The following COL25A1 variants were observed in gnomAD, a reference collection of about 807,000 sequenced individuals.
COL25A1 encodes the protein collagen type XXV alpha 1 chain.
A neutral mutation model predicts 128.4 loss-of-function variants in COL25A1; 103 were observed. That is an observed-to-expected ratio of 0.80 (90% CI 0.68 to 0.94). The LOEUF is 0.94. Ranked by LOEUF, COL25A1 falls within the 40% of genes least tolerant of loss-of-function variation. The probability of loss-of-function intolerance (pLI) is 0.00; values close to 1 mark genes in which losing one functional copy is unlikely to be tolerated. For missense variants in COL25A1, 745 were observed against 840.0 expected (o/e 0.89, Z 1.40); for synonymous variants, 279 against 277.2 (o/e 1.01, Z -0.06).
intron 31 of COL25A1, among the ~76,000 whole-genome samples, chr4:108,834,549 T>TAA (rs79785987): frequency 7.0e-6 from 1 of 143,874 alleles, no homozygotes; most frequent in South Asian, 2.2e-4. Flanking sequence ...AATTGTTAGT[T>TAA]AAAAAAAAAA....
intron 3 of COL25A1, among the ~76,000 whole-genome samples, chr4:109,092,964 T>C (rs1765048231): frequency 6.6e-6 from 1 of 151,794 alleles, no homozygotes; most frequent in Non-Finnish European, 1.5e-5. Flanking sequence ...TTAAATGTAC[T>C]ATTGCCAGAA....
intron 3 of COL25A1, among the ~76,000 whole-genome samples, chr4:109,177,793 T>C (rs187071589): frequency 3.3e-4 from 50 of 152,320 alleles, no homozygotes; most frequent in Middle Eastern, 6.8e-3. Context: ...ATGTGATTCA[T>C]TGTGTAAGTA....
intron 13 of COL25A1, among the ~76,000 whole-genome samples, chr4:108,910,241 T>A (rs1744047997): frequency 1.3e-5 from 2 of 152,152 alleles, no homozygotes; most frequent in Non-Finnish European, 2.9e-5. Flanking sequence ...GGAAAGAGAA[T>A]GTGTTTAATT....
At chr4:109,164,442 G>T (rs905861085) in intron 3 of COL25A1, among the ~76,000 whole-genome samples, 2 of 148,104 alleles carry the variant, frequency 1.4e-5, no homozygotes, top group African/African-American at 5.0e-5. Context: ...TTGTTTGTTT[G>T]ACCTAATCAA....
chr4:109,296,373 G>T (rs1724991619), intron 3 of COL25A1, among the ~76,000 whole-genome samples: 1 of 151,982 alleles, frequency 6.6e-6, no homozygotes, highest in Non-Finnish European at 1.5e-5. Context: ...TTAGTCATCT[G>T]CCCCAAAGCA....
At chr4:108,824,967 A>G (rs534452870) in intron 34 of COL25A1, among the ~76,000 whole-genome samples, 2 of 152,276 alleles carry the variant, frequency 1.3e-5, no homozygotes, top group South Asian at 4.1e-4. Context: ...AAGTGCCACT[A>G]TCCACTACCA....
At chr4:108,987,993 T>A (rs1239327467) in intron 6 of COL25A1, among the ~76,000 whole-genome samples, 1 of 152,134 alleles carries the variant, frequency 6.6e-6, no homozygotes, top group East Asian at 1.9e-4. Flanking sequence ...TGTTTCTTAA[T>A]AACATACCAG....
chr4:108,825,796 C>T (rs1267147628), intron 33 of COL25A1, among the ~76,000 whole-genome samples: 8 of 152,226 alleles, frequency 5.3e-5, no homozygotes, highest in Middle Eastern at 3.4e-3. Flanking sequence ...ACACTGTGTA[C>T]GAAGGATGTG....
At chr4:109,216,071 T>C (rs1263572221) in intron 3 of COL25A1, among the ~76,000 whole-genome samples, 1 of 152,048 alleles carries the variant, frequency 6.6e-6, no homozygotes, top group Non-Finnish European at 1.5e-5. Flanking sequence ...TCTTTCCTTG[T>C]TTTATTGATC....
At chr4:109,241,020 C>T (rs1182173002) in intron 3 of COL25A1, among the ~76,000 whole-genome samples, 3 of 151,980 alleles carry the variant, frequency 2.0e-5, no homozygotes, top group African/African-American at 7.2e-5. Context: ...ATTAATTCTT[C>T]CAGAACACTA....
intron 12 of COL25A1, 67 bp downstream of exon 12, chr4:108,920,511 C>T (rs1341698833): frequency 8.0e-7 from 1 of 1,245,244 alleles, no homozygotes; most frequent in African/African-American, 1.5e-5. Flanking sequence ...ATTTCATTCA[C>T]CTCTCCTGCT....
At chr4:108,859,761 C>A (rs1313788921) in intron 23 of COL25A1, 28 bp from the exon 24 acceptor site, 1 of 1,573,074 alleles carries the variant, frequency 6.4e-7, no homozygotes, top group Non-Finnish European at 8.7e-7. Flanking sequence ...AAGGGAAAAT[C>A]ATGGGTATTA....
chr4:109,178,595 C>A (rs1435884862), intron 3 of COL25A1, among the ~76,000 whole-genome samples: 2 of 151,842 alleles, frequency 1.3e-5, no homozygotes, highest in Non-Finnish European at 2.9e-5. Context: ...GAGGCCGAGG[C>A]GGGCAGATCG....
Position 109,115,126 on chromosome 4 carries a change from C to T in COL25A1, c.368-64947G>A, listed in dbSNP as rs1044267062. On this transcript the variant is annotated intron_variant, in intron 3 of 37. Transcript: ENST00000399132. ...TTCACATATTGAATAAGAGTCAAAA[C>T]AAGGTATAACATTCTTGTAATAGTA... 3.3e-5 allele frequency among the ~76,000 whole-genome samples: 5 copies of T among 151,952 alleles called. No homozygotes were observed. In the South Asian group the frequency reaches 6.2e-4, roughly 19 times the overall value.
At position 108,819,253 on chromosome 4, in the gene COL25A1, A is replaced by T; in HGVS notation, c.1922T>A (p.Leu641Ter). ...TGGTAGGAAAGAGAAATACTGTACC[A>T]ATTGGCAAGGGGCATCCAGCCCATC... Reference protein sequence around the residue: ...GLDGLDAPCQLGPDGLPMPGC... With the variant: ...GLDGLDAPCQ Residue 641 changes from leucine to a stop codon, truncating the protein, a stop_gained and splice_region_variant, in exon 36 of 38, where the codon TTG becomes TAG. Coordinates refer to ENST00000399132, the MANE Select transcript of COL25A1 (RefSeq NM_198721.4). LOFTEE classifies it high-confidence loss of function. 1 of 1,605,808 alleles carries T rather than the reference A, an allele frequency of 6.2e-7. No individual in the cohort carries two copies.
In COL25A1 at chr4:109,166,668, C is replaced by T. The variant is rs562961833; in HGVS notation, c.368-116489G>A. On this transcript the variant is annotated intron_variant, in intron 3 of 37. Coordinates refer to ENST00000399132, the MANE Select transcript of COL25A1 (RefSeq NM_198721.4). ...CATAGCTAACAACAACGTATATTTA[C>T]AATGAAAAGATTTCCTGGCACTGTG... is the stretch of plus-strand genomic sequence containing the variant. Among the ~76,000 whole-genome samples, 6 of 152,288 alleles carry T rather than the reference C, an allele frequency of 3.9e-5. No individual in the cohort carries two copies. In the East Asian group the frequency reaches 5.8e-4, roughly 15 times the overall value.
At chr4:108,981,198 T>A (rs1274800997) in intron 6 of COL25A1, among the ~76,000 whole-genome samples, 1 of 152,202 alleles carries the variant, frequency 6.6e-6, no homozygotes, top group Non-Finnish European at 1.5e-5. Context: ...TGAGGATACA[T>A]CCACCCTACT....
intron 5 of COL25A1, among the ~76,000 whole-genome samples, chr4:109,032,460 T>G (rs897155535): frequency 6.6e-6 from 1 of 152,164 alleles, no homozygotes; most frequent in Non-Finnish European, 1.5e-5. Context: ...ACTTTAAGAT[T>G]CCCATACTTT....
chr4:109,219,303 A>C (rs11934385), intron 3 of COL25A1, among the ~76,000 whole-genome samples: 13,151 of 152,180 alleles, frequency 0.086, 1,186 homozygotes, highest in African/African-American at 0.23. Flanking sequence ...TTTCTAGTCC[A>C]GTGTACTCTC....
Sources: allele counts gnomAD v4.1 joint callset (sites outside exome capture counted in the v4.1 genomes callset), GRCh38; gene constraint gnomAD v4.1.1; transcripts MANE v1.5; gene names NCBI Gene and HGNC (gene_info 2026-07-23, HGNC 2026-07-21).